The following FAM168A variants were observed in gnomAD, a reference collection of about 807,000 sequenced individuals.
FAM168A encodes the protein protein FAM168A.
Under a neutral mutation model 28.5 loss-of-function variants are expected in FAM168A, and 3 were observed. The observed-to-expected ratio is 0.11, with a 90% CI of 0.05 to 0.27. The LOEUF (loss-of-function observed/expected upper bound fraction) is 0.27. Ranked by LOEUF, FAM168A falls within the 10% of genes least tolerant of loss-of-function variation. FAM168A has a pLI of 1.00. For missense variants in FAM168A, 222 were observed against 311.5 expected, an observed-to-expected ratio of 0.71 and a Z score of 2.16; for synonymous variants, 122 against 124.2, an observed-to-expected ratio of 0.98 and a Z score of 0.12.
At chr11:73,472,235 C>T (rs1287221320) in intron 1 of FAM168A, among the ~76,000 whole-genome samples, 5 of 152,122 alleles carry the variant, frequency 3.3e-5, no homozygotes, top group Middle Eastern at 3.4e-3. Flanking sequence ...TAAGATGATT[C>T]GAAAAAGTGT....
At chr11:73,437,467 G>A (rs1315036357) in intron 2 of FAM168A, among the ~76,000 whole-genome samples, 3 of 140,150 alleles carry the variant, frequency 2.1e-5, no homozygotes, top group South Asian at 2.3e-4. Context: ...GCAGTGGTGC[G>A]ATCTCAACTC....
chr11:73,537,486 G>A (rs1452992127), intron 1 of FAM168A, among the ~76,000 whole-genome samples: 4 of 152,122 alleles, frequency 2.6e-5, no homozygotes, highest in Non-Finnish European at 5.9e-5. Context: ...GCTTGAACCC[G>A]GGAGGCAGAG....
At chr11:73,592,643 G>A (rs1944395520) in intron 1 of FAM168A, among the ~76,000 whole-genome samples, 1 of 152,008 alleles carries the variant, frequency 6.6e-6, no homozygotes, top group Non-Finnish European at 1.5e-5. Flanking sequence ...GAAGCAAGAG[G>A]AGGGGCTTCA....
chr11:73,491,915 G>A (rs556331680), intron 1 of FAM168A, among the ~76,000 whole-genome samples: 30 of 152,288 alleles, frequency 2.0e-4, no homozygotes, highest in African/African-American at 7.2e-4. Context: ...GAATACAAAG[G>A]CCAAGTATGA....
intron 1 of FAM168A, among the ~76,000 whole-genome samples, chr11:73,555,154 G>C (rs573040997): frequency 6.6e-6 from 1 of 152,328 alleles, no homozygotes; most frequent in African/African-American, 2.4e-5. Flanking sequence ...ATGTATTTCA[G>C]TGTTGCTAGA....
At chr11:73,497,132 C>A (rs1422684775) in intron 1 of FAM168A, among the ~76,000 whole-genome samples, 1 of 152,176 alleles carries the variant, frequency 6.6e-6, no homozygotes, top group Non-Finnish European at 1.5e-5. Context: ...GCTCTTGCCT[C>A]AGGCCTCACT....
intron 1 of FAM168A, among the ~76,000 whole-genome samples, chr11:73,501,473 G>A (rs1855009181): frequency 6.6e-6 from 1 of 152,114 alleles, no homozygotes. Flanking sequence ...CAAAAGAACT[G>A]AAATCATAAC....
chr11:73,472,703 A>C (rs1867832133), intron 1 of FAM168A, among the ~76,000 whole-genome samples: 1 of 152,188 alleles, frequency 6.6e-6, no homozygotes, highest in Non-Finnish European at 1.5e-5. Flanking sequence ...GGTGGAAACT[A>C]GTCATGTTTT....
intron 4 of FAM168A, among the ~76,000 whole-genome samples, chr11:73,419,373 C>T (rs1236272861): frequency 6.6e-6 from 1 of 152,158 alleles, no homozygotes; most frequent in African/African-American, 2.4e-5. Flanking sequence ...TGTTTAGAAA[C>T]ATTTTTGGTT....
intron 1 of FAM168A, among the ~76,000 whole-genome samples, chr11:73,582,868 T>G (rs565972854): frequency 2.0e-5 from 3 of 152,354 alleles, no homozygotes; most frequent in Non-Finnish European, 2.9e-5. Flanking sequence ...AGTCTCATTG[T>G]GTCTACTGTG....
chr11:73,538,333 AC>A (rs373434115), intron 1 of FAM168A, among the ~76,000 whole-genome samples: 19,063 of 150,446 alleles, frequency 0.13, 1,462 homozygotes, highest in African/African-American at 0.22. Context: ...AGGTTCCAAA[AC>A]AAAAAACAAA....
At chr11:73,518,581 T>C (rs142634457) in intron 1 of FAM168A, among the ~76,000 whole-genome samples, 3 of 151,866 alleles carry the variant, frequency 2.0e-5, no homozygotes, top group African/African-American at 7.3e-5. Context: ...TTGCTCTGTT[T>C]GTTCCCTCCA....
chr11:73,530,264 ATTC>A lies in FAM168A; in HGVS notation c.-18-61775_-18-61773del, dbSNP rs1288850907. Among the ~76,000 whole-genome samples, 13 of 152,308 alleles carry A rather than the reference ATTC, an allele frequency of 8.5e-5. 1 individual carries two copies. The East Asian group carries it at 2.5e-3, about 29-fold the overall frequency. ...ATTATTGCCTTACAGTTCCAAACCAATTCTTCATTGCCTTGCTCTGTGATACGA... is the reference window on the plus strand; with the variant it reads ...ATTATTGCCTTACAGTTCCAAACCAATTCATTGCCTTGCTCTGTGATACGA... On this transcript the variant is annotated intron_variant, in intron 1 of 7. Coordinates refer to ENST00000356467, the MANE Select transcript of FAM168A (RefSeq NM_015159.3).
At chr11:73,453,783 A>G (rs1413110282) in intron 2 of FAM168A, among the ~76,000 whole-genome samples, 16 of 152,238 alleles carry the variant, frequency 1.1e-4, no homozygotes, top group East Asian at 1.9e-4. Context: ...AACCATTCCA[A>G]TGAGAATCTA....
intron 1 of FAM168A, among the ~76,000 whole-genome samples, chr11:73,541,167 C>T (rs773522079): frequency 6.6e-6 from 1 of 151,656 alleles, no homozygotes; most frequent in African/African-American, 2.4e-5. Flanking sequence ...AATGCATTAC[C>T]GCACTCCAGC....
Position 73,487,639 on chromosome 11 carries a change from C to T in FAM168A, c.-18-19147G>A, listed in dbSNP as rs181475016. On this transcript the variant is annotated intron_variant, in intron 1 of 7. Transcript: ENST00000356467. Reference sequence around the variant, plus strand: ...TCTCAGTTATCTGATCTCTCCTCCACTGATCTTGACATTTCCACCCAACCT... The same window carrying T: ...TCTCAGTTATCTGATCTCTCCTCCATTGATCTTGACATTTCCACCCAACCT... Among the ~76,000 whole-genome samples the T allele has an allele frequency of 4.5e-3, 689 of 152,260 alleles. 2 individuals are homozygous for T. Among genetic ancestry groups the T allele is most frequent in the African/African-American group, 0.016 (663 of 41,536 alleles).
At chr11:73,551,739 G>T (rs1228600491) in intron 1 of FAM168A, among the ~76,000 whole-genome samples, 1 of 152,216 alleles carries the variant, frequency 6.6e-6, no homozygotes, top group Non-Finnish European at 1.5e-5. Context: ...GCAACACCAG[G>T]TTGCAAATTG....
intron 1 of FAM168A, among the ~76,000 whole-genome samples, chr11:73,509,945 C>T (rs1332327788): frequency 2.0e-5 from 3 of 152,126 alleles, no homozygotes; most frequent in Admixed American, 6.5e-5. Context: ...CTTTTTCCTC[C>T]AGCATTTCTC....
intron 1 of FAM168A, among the ~76,000 whole-genome samples, chr11:73,586,519 G>A (rs1037632465): frequency 2.6e-5 from 4 of 152,146 alleles, no homozygotes; most frequent in African/African-American, 7.2e-5. Flanking sequence ...AGATAAGAGG[G>A]CCTAGCACAA....
Sources: gnomAD v4.1 joint callset for allele counts (sites outside exome capture counted in the v4.1 genomes callset) on GRCh38, gnomAD v4.1.1 for gene constraint, MANE v1.5 for transcripts, NCBI Gene and HGNC (gene_info 2026-07-23, HGNC 2026-07-21) for gene names.